The following HOOK1 variants were observed in gnomAD, a reference collection of about 807,000 sequenced individuals.
HOOK1 encodes the protein hook microtubule tethering protein 1, also known as protein Hook homolog 1.
A neutral mutation model predicts 112.8 loss-of-function variants in HOOK1; 60 were observed. The ratio of observed to expected loss-of-function variants is 0.53; its 90% CI spans 0.43 to 0.66. The LOEUF is 0.66. Ranked by LOEUF, HOOK1 falls within the 30% of genes least tolerant of loss-of-function variation. The probability of loss-of-function intolerance (pLI) is 0.00; values close to 1 mark genes in which losing one functional copy is unlikely to be tolerated. For missense variants in HOOK1, 770 were observed against 856.0 expected, an observed-to-expected ratio of 0.90 and a Z score of 1.25; for synonymous variants, 294 against 283.8, an observed-to-expected ratio of 1.04 and a Z score of -0.36.
chr1:59,852,119 G>C (rs1176427904), intron 12 of HOOK1, among the ~76,000 whole-genome samples: 12 of 151,678 alleles, frequency 7.9e-5, no homozygotes, highest in African/African-American at 2.9e-4. Flanking sequence ...ATATTGGTTT[G>C]TAATGTTCTT....
At chr1:59,829,048 C>A (rs11586366) in intron 3 of HOOK1, among the ~76,000 whole-genome samples, 196 bp downstream of exon 3, 5,203 of 152,146 alleles carry the variant, frequency 0.034, 80 homozygotes, top group Middle Eastern at 0.041. Flanking sequence ...AAAATATGCA[C>A]TTCAGGCCCA....
At chr1:59,864,828 C>T (rs1285025196) in intron 17 of HOOK1, 162 bp downstream of exon 17, 1 of 585,968 alleles carries the variant, frequency 1.7e-6, no homozygotes, top group Admixed American at 3.5e-5. Context: ...TTCAGCCTCC[C>T]TACTACCCCC....
In HOOK1 at chr1:59,872,921, A is replaced by G. The variant is rs1211512290; in HGVS notation, c.2143A>G (p.Arg715Gly). 2 of 1,522,426 alleles carry G rather than the reference A, an allele frequency of 1.3e-6. No homozygotes were observed. Among genetic ancestry groups the G allele is most frequent in the Non-Finnish European group, 1.8e-6 (2 of 1,126,880 alleles). 94.3% of individuals were successfully genotyped at this position (1,522,426 alleles called of 1,614,324 possible). The change falls in exon 22 of 22, where the codon AGA becomes GGA. Residue 715 changes from arginine (R) to glycine (G), a missense_variant. Coordinates refer to ENST00000371208, the MANE Select transcript of HOOK1 (RefSeq NM_015888.6). The stretch of plus-strand genomic sequence containing the variant: ...GCAGCAACGGCACATCACCAACACC[A>G]GAAGAAATCTCTCTGTTAAAGTCCC... ...LAQQRHITNTRRNLSVKVPAT... is the reference protein window; with the variant it reads ...LAQQRHITNTGRNLSVKVPAT...
At chr1:59,821,749 G>GTT (rs111605995) in intron 1 of HOOK1, 109 bp from the exon 2 acceptor site, 709 of 586,594 alleles carry the variant, frequency 1.2e-3, no homozygotes, top group South Asian at 2.2e-3. Flanking sequence ...ACAGGACCAT[G>GTT]TTTTTTTTTT....
At chr1:59,821,327 C>T (rs1368679731) in intron 1 of HOOK1, among the ~76,000 whole-genome samples, 1 of 152,092 alleles carries the variant, frequency 6.6e-6, no homozygotes, top group Non-Finnish European at 1.5e-5. Flanking sequence ...AACAACTTGA[C>T]GTGATAGATA....
intron 12 of HOOK1, among the ~76,000 whole-genome samples, chr1:59,852,634 TTTTA>T (rs1159539435): frequency 6.6e-6 from 1 of 151,538 alleles, no homozygotes; most frequent in African/African-American, 2.4e-5. Flanking sequence ...CTATTCTCTA[TTTTA>T]TTTATTTTTA....
chr1:59,859,687 T>C (rs1394003356), intron 14 of HOOK1, among the ~76,000 whole-genome samples: 1 of 151,964 alleles, frequency 6.6e-6, no homozygotes, highest in Non-Finnish European at 1.5e-5. Flanking sequence ...AAAGTACATG[T>C]AAATCTTTAA....
At chr1:59,857,431 C>A (rs1286801702) in intron 12 of HOOK1, among the ~76,000 whole-genome samples, 1 of 152,210 alleles carries the variant, frequency 6.6e-6, no homozygotes, top group East Asian at 1.9e-4. Context: ...TAAATGCTCA[C>A]CAGACTGTTG....
Position 59,828,842 on chromosome 1 carries a change from G to A in HOOK1, c.212G>A (p.Trp71Ter). 6.2e-7 allele frequency: 1 copy of A among 1,612,564 alleles called. No homozygotes were observed. Among genetic ancestry groups the A allele is most frequent in the Non-Finnish European group, 8.5e-7 (1 of 1,178,980 alleles). The change falls in exon 3 of 22, where the codon TGG becomes TAG. Residue 71 changes from tryptophan (W) to a stop codon, truncating the protein, a stop_gained. Coordinates refer to ENST00000371208, the MANE Select transcript of HOOK1 (RefSeq NM_015888.6). LOFTEE classifies it high-confidence loss of function. ...ATTAAAGAGGATGTTGGGGACAACT[G>A]GAGAATAAAGGTATGCAGAACAAAT... ...SRIKEDVGDN[W>*]RIKASNVKKV...
intron 1 of HOOK1, among the ~76,000 whole-genome samples, chr1:59,819,760 T>TA (rs1471234971): frequency 6.6e-6 from 1 of 152,224 alleles, no homozygotes; most frequent in East Asian, 1.9e-4. Flanking sequence ...AGTTACACAT[T>TA]AAAAGTTAAT....
intron 12 of HOOK1, among the ~76,000 whole-genome samples, chr1:59,854,529 A>C (rs1414954103): frequency 6.6e-6 from 1 of 151,950 alleles, no homozygotes; most frequent in African/African-American, 2.4e-5. Context: ...GAAAAATTTC[A>C]GTTCATCTTT....
chr1:59,835,369 T>A lies in HOOK1; in HGVS notation c.431T>A (p.Leu144Gln). The A allele has an allele frequency of 6.3e-7, 1 of 1,588,824 alleles. No individual in the cohort carries two copies. Among genetic ancestry groups the A allele is most frequent in the Non-Finnish European group, 8.6e-7 (1 of 1,158,078 alleles). The change falls in exon 6 of 22, where the codon CTG (leucine) becomes CAG (glutamine). Residue 144 changes from leucine (L) to glutamine (Q), a missense_variant. Leu to Gln is a moderately radical substitution (Grantham distance 113). Around this residue, in one of 3 missense-constraint regions of HOOK1, gnomAD observed 655 missense variants for 725.9 expected, o/e 0.90. Coordinates refer to ENST00000371208, the MANE Select transcript of HOOK1 (RefSeq NM_015888.6). Reference sequence around the variant, plus strand: ...GAACATATTCAAAATATAATGACACTGGAAGAGTCTGTTCAACATGTGGTC... The same window carrying A: ...GAACATATTCAAAATATAATGACACAGGAAGAGTCTGTTCAACATGTGGTC... ...KQEHIQNIMTLEESVQHVVMT... is the reference protein window; with the variant it reads ...KQEHIQNIMTQEESVQHVVMT...
chr1:59,828,860 G>A lies in HOOK1; in HGVS notation c.222+8G>A. On this transcript the variant is annotated splice_region_variant and intron_variant, in intron 3 of 21. Coordinates refer to ENST00000371208, the MANE Select transcript of HOOK1 (RefSeq NM_015888.6). ...GACAACTGGAGAATAAAGGTATGCA[G>A]AACAAATGGGAGAAGCACTTGATCC... 6.2e-7 allele frequency: 1 copy of A among 1,603,108 alleles called. No homozygotes were observed. Among genetic ancestry groups the A allele is most frequent in the Non-Finnish European group, 8.5e-7 (1 of 1,171,854 alleles).
chr1:59,860,995 C>T (rs187314314), intron 15 of HOOK1, among the ~76,000 whole-genome samples: 58 of 152,188 alleles, frequency 3.8e-4, no homozygotes, highest in African/African-American at 1.3e-3. Context: ...CCAGGCTCGT[C>T]TCAATCTCCT....
chr1:59,863,940 G>T (rs1355683309), intron 16 of HOOK1: 8 of 462,416 alleles, frequency 1.7e-5, no homozygotes, highest in Non-Finnish European at 2.3e-5. Flanking sequence ...GAGGTATTTT[G>T]CAGGGAGCAC....
At chr1:59,827,067 G>A (rs947506369) in intron 2 of HOOK1, among the ~76,000 whole-genome samples, 4 of 152,100 alleles carry the variant, frequency 2.6e-5, no homozygotes, top group African/African-American at 9.7e-5. Flanking sequence ...CCTGGCCCAA[G>A]ATTTTTTTTT....
intron 15 of HOOK1, among the ~76,000 whole-genome samples, chr1:59,862,202 G>A (rs1259612671): frequency 2.0e-5 from 3 of 152,182 alleles, no homozygotes; most frequent in Non-Finnish European, 2.9e-5. Flanking sequence ...GCAGGTGAGT[G>A]TGTATGTGTG....
intron 5 of HOOK1, among the ~76,000 whole-genome samples, 193 bp downstream of exon 5, chr1:59,833,730 T>G (rs895448902): frequency 6.6e-6 from 1 of 152,216 alleles, no homozygotes; most frequent in African/African-American, 2.4e-5. Flanking sequence ...GTACCTGGAT[T>G]CTGATATTCA....
intron 1 of HOOK1, among the ~76,000 whole-genome samples, chr1:59,817,319 C>T (rs1276539605): frequency 1.3e-5 from 2 of 152,200 alleles, no homozygotes; most frequent in Non-Finnish European, 2.9e-5. Flanking sequence ...TTTCTTTCCT[C>T]TAAGACTTTC....
Sources: gnomAD v4.1 joint callset for allele counts (sites outside exome capture counted in the v4.1 genomes callset) on GRCh38, gnomAD v4.1.1 for gene constraint, gnomAD v4.1.1 regional missense constraint, MANE v1.5 for transcripts, NCBI Gene and HGNC (gene_info 2026-07-23, HGNC 2026-07-21) for gene names.